Variants in TTC28 observed in about 807,000 individuals in gnomAD.
TTC28 encodes tetratricopeptide repeat protein 28.
A neutral mutation model predicts 198.0 loss-of-function variants in TTC28; 61 were observed. That is an observed-to-expected ratio of 0.31 (90% CI 0.25 to 0.38). The LOEUF (loss-of-function observed/expected upper bound fraction) is 0.38, where lower values mean the gene tolerates loss of function less well. TTC28 is among the 10% of genes least tolerant of loss of function. The pLI is 1.00. For missense variants in TTC28, 2,678 were observed against 3,164.0 expected (o/e 0.85, Z 3.69); for synonymous variants, 1,171 against 1,297.8 (o/e 0.90, Z 2.10).
chr22:27,984,180 C>T (rs746869233), intron 22 of TTC28, among the ~76,000 whole-genome samples: 1 of 152,072 alleles, frequency 6.6e-6, no homozygotes, highest in Non-Finnish European at 1.5e-5. Flanking sequence ...TGGCCGTGCT[C>T]CTGGGGTGGG....
At chr22:28,670,768 T>A (rs1439895792) in intron 1 of TTC28, among the ~76,000 whole-genome samples, 1 of 150,614 alleles carries the variant, frequency 6.6e-6, no homozygotes, top group Non-Finnish European at 1.5e-5. Context: ...GTTTAACATT[T>A]TGAGGAGATG....
At chr22:28,321,019 A>G (rs2045437857) in intron 2 of TTC28, among the ~76,000 whole-genome samples, 1 of 152,222 alleles carries the variant, frequency 6.6e-6, no homozygotes, top group Non-Finnish European at 1.5e-5. Context: ...TTTTAATATA[A>G]ACTGTCAACA....
chr22:28,065,485 G>A (rs1325974148), intron 12 of TTC28, among the ~76,000 whole-genome samples: 2 of 152,090 alleles, frequency 1.3e-5, no homozygotes, highest in Non-Finnish European at 2.9e-5. Context: ...CAAGAGTTAG[G>A]CATGCTAACT....
intron 2 of TTC28, among the ~76,000 whole-genome samples, chr22:28,511,328 G>C (rs1653427540): frequency 6.6e-6 from 1 of 152,134 alleles, no homozygotes; most frequent in South Asian, 2.1e-4. Flanking sequence ...CAATGGAACA[G>C]AATACAGAAC....
chr22:28,423,036 A>G (rs1006506437), intron 2 of TTC28, among the ~76,000 whole-genome samples: 39 of 152,150 alleles, frequency 2.6e-4, no homozygotes, highest in Admixed American at 1.1e-3. Context: ...CTGTCATGTA[A>G]AAGTTTTTAG....
chr22:28,415,363 T>C (rs1445362379), intron 2 of TTC28, among the ~76,000 whole-genome samples: 1 of 151,078 alleles, frequency 6.6e-6, no homozygotes, highest in Admixed American at 6.6e-5. Context: ...AAAAAAAAAA[T>C]GTAGTACAGA....
Position 28,669,302 on chromosome 22 carries a change from TAAAAA to T in TTC28, c.102+10315_102+10319del, listed in dbSNP as rs368983463. 6.0e-5 allele frequency among the ~76,000 whole-genome samples: 7 copies of T among 117,380 alleles called. No homozygotes were observed. In the South Asian group the frequency reaches 1.6e-3, roughly 27 times the overall value. 77.0% of individuals were successfully genotyped at this position (117,380 alleles called of 152,430 possible). A position where few individuals can be genotyped will look rare whatever the true frequency, so the allele number is the denominator to read the frequency against. On this transcript the variant is annotated intron_variant, in intron 1 of 22. Coordinates refer to ENST00000397906, the MANE Select transcript of TTC28 (RefSeq NM_001145418.2). ...ATGTACCCTAAAACTTAGAGTATAA[TAAAAA>T]AAAAAAAAGAAAGAAAAAGAAACTT...
At chr22:28,483,236 T>C (rs2048276752) in intron 2 of TTC28, among the ~76,000 whole-genome samples, 1 of 152,046 alleles carries the variant, frequency 6.6e-6, no homozygotes, top group Non-Finnish European at 1.5e-5. Context: ...AACAAGTAAA[T>C]CATTAATTAT....
chr22:28,675,178 T>C (rs1245080931), intron 1 of TTC28, among the ~76,000 whole-genome samples: 1 of 152,194 alleles, frequency 6.6e-6, no homozygotes, highest in Admixed American at 6.5e-5. Flanking sequence ...GGATAACTTT[T>C]TGTATCTATA....
chr22:28,390,259 C>G (rs1318191267), intron 2 of TTC28, among the ~76,000 whole-genome samples: 1 of 151,906 alleles, frequency 6.6e-6, no homozygotes, highest in Non-Finnish European at 1.5e-5. Context: ...AGCTTTACTT[C>G]CAAGTATGTG....
In TTC28 at chr22:28,127,894, AT is replaced by A. The variant is rs35611269; in HGVS notation, c.1442-19492del. Among the ~76,000 whole-genome samples, 867 of 137,578 alleles carry A rather than the reference AT, an allele frequency of 6.3e-3. 6 individuals carry two copies. The highest frequency in any genetic ancestry group is 0.016 in the South Asian group (66 of 4,180). The allele number at this position is 137,578 out of a possible 152,430, so 90.3% of individuals were successfully genotyped here. A position where few individuals can be genotyped will look rare whatever the true frequency, so the allele number is the denominator to read the frequency against. ...AGGTTCAAATCACCATGCCTGGCTA[AT>A]TTTTTTTTTTTTTTTTGGGGGTGGG... On this transcript the variant is annotated intron_variant, in intron 6 of 22. Coordinates refer to ENST00000397906, the MANE Select transcript of TTC28 (RefSeq NM_001145418.2).
chr22:28,656,761 C>T (rs971326720), intron 1 of TTC28, among the ~76,000 whole-genome samples: 5 of 152,092 alleles, frequency 3.3e-5, no homozygotes, highest in Non-Finnish European at 4.4e-5. Flanking sequence ...ACCGGCCTGT[C>T]GTGGCGTGGA....
At chr22:28,189,883 C>A (rs1247696757) in intron 5 of TTC28, among the ~76,000 whole-genome samples, 1 of 152,094 alleles carries the variant, frequency 6.6e-6, no homozygotes, top group African/African-American at 2.4e-5. Context: ...AAAAGAGTGC[C>A]ATCATAATTA....
At chr22:28,543,802 C>T (rs1347225403) in intron 2 of TTC28, among the ~76,000 whole-genome samples, 1 of 152,154 alleles carries the variant, frequency 6.6e-6, no homozygotes, top group East Asian at 1.9e-4. Flanking sequence ...AAGAAAACTA[C>T]AAACCAGTAT....
In TTC28 at chr22:28,108,089, C is replaced by G. The variant is rs1942374510; in HGVS notation, c.1756G>C (p.Glu586Gln). The G allele has an allele frequency of 1.3e-6, 2 of 1,551,650 alleles. No homozygotes were observed. Among genetic ancestry groups the G allele is most frequent in the African/African-American group, 2.7e-5 (2 of 73,156 alleles). Residue 586 changes from glutamate (E) to glutamine (Q), a missense_variant, in exon 7 of 23, where the codon GAG (glutamate) becomes CAG (glutamine). This residue lies in a region of TTC28 where 775 missense variants were observed against 845.9 expected (regional missense o/e 0.92). Transcript: ENST00000397906. The part of the protein sequence containing the change: ...HYQNHLNIAR[E>Q]LRDIQSEARA... ...GCCTCGCTCTGGATGTCTCGTAGCT[C>G]CCGGGCGATGTTCAAGTGGTTCTGA... is the stretch of plus-strand genomic sequence containing the variant.
At chr22:28,190,923 T>C (rs971885555) in intron 5 of TTC28, among the ~76,000 whole-genome samples, 1 of 152,166 alleles carries the variant, frequency 6.6e-6, no homozygotes, top group Non-Finnish European at 1.5e-5. Flanking sequence ...TCTTCTATTC[T>C]ACTAATATTC....
At chr22:28,328,256 A>AC (rs897901663) in intron 2 of TTC28, among the ~76,000 whole-genome samples, 9 of 151,854 alleles carry the variant, frequency 5.9e-5, no homozygotes, top group East Asian at 1.9e-4. Flanking sequence ...ACATAGCAAG[A>AC]CCCCCCACCT....
chr22:28,364,016 G>T (rs1203433923), intron 2 of TTC28, among the ~76,000 whole-genome samples: 2 of 152,076 alleles, frequency 1.3e-5, no homozygotes, highest in Non-Finnish European at 2.9e-5. Context: ...AAGACTTTGG[G>T]GGACTGTTGA....
intron 2 of TTC28, among the ~76,000 whole-genome samples, chr22:28,542,866 A>T (rs564063156): frequency 2.0e-5 from 3 of 152,208 alleles, no homozygotes; most frequent in Non-Finnish European, 4.4e-5. Flanking sequence ...AAACAAAGTA[A>T]GTAGAAAGAA....
Sources: gnomAD v4.1 joint callset for allele counts (sites outside exome capture counted in the v4.1 genomes callset) on GRCh38, gnomAD v4.1.1 for gene constraint, gnomAD v4.1.1 regional missense constraint, MANE v1.5 for transcripts, NCBI Gene and HGNC (gene_info 2026-07-23, HGNC 2026-07-21) for gene names.